The following MGAT4C variants were observed in gnomAD, a reference collection of about 807,000 sequenced individuals.
The protein encoded by MGAT4C is alpha-1,3-mannosyl-glycoprotein 4-beta-N-acetylglucosaminyltransferase C.
A neutral mutation model predicts 40.1 loss-of-function variants in MGAT4C; 19 were observed. The ratio of observed to expected loss-of-function variants is 0.47; its 90% CI spans 0.33 to 0.70. The LOEUF is 0.70. Ranked by LOEUF, MGAT4C falls within the 30% of genes least tolerant of loss-of-function variation. The pLI, the probability that MGAT4C is intolerant of heterozygous loss-of-function variation, is 0.02. For missense variants in MGAT4C, 491 were observed against 563.2 expected (o/e 0.87, Z 1.30); for synonymous variants, 181 against 187.1 (o/e 0.97, Z 0.27).
In MGAT4C at chr12:85,966,942, G is replaced by A. The variant is rs1286415249; in HGVS notation, c.*12347C>T. 2 of 151,870 alleles carry A rather than the reference G, an allele frequency of 1.3e-5. No homozygotes were observed. The highest frequency in any genetic ancestry group is 4.8e-5 in the African/African-American group (2 of 41,340). 9.4% of individuals were successfully genotyped at this position (151,870 alleles called of 1,614,324 possible). A position where few individuals can be genotyped will look rare whatever the true frequency, so the allele number is the denominator to read the frequency against. ...GATAGCATTAGGAGATATACCTAATGTTAAATGACGAGTTAATGGGTGCAG... is the reference window on the plus strand; with the variant it reads ...GATAGCATTAGGAGATATACCTAATATTAAATGACGAGTTAATGGGTGCAG... On this transcript the variant is annotated 3_prime_UTR_variant, in exon 5 of 5. Coordinates refer to ENST00000611864, the MANE Select transcript of MGAT4C (RefSeq NM_001351288.2).
chr12:86,759,409 T>A (rs1027877429), intron 1 of MGAT4C, among the ~76,000 whole-genome samples: 1 of 152,120 alleles, frequency 6.6e-6, no homozygotes, highest in Non-Finnish European at 1.5e-5. Flanking sequence ...TCAAATTGTA[T>A]GATTGCTGGA....
At position 86,110,087 on chromosome 12, in the gene MGAT4C, C is replaced by T. The variant is rs146228487; in HGVS notation, c.-56-60364G>A. Among the ~76,000 whole-genome samples the T allele has an allele frequency of 1.5e-4, 22 of 150,316 alleles. 1 individual carries two copies. In the East Asian group the frequency reaches 3.8e-3, roughly 26 times the overall value. ...GAGGGTCAGAAGAATGCCAAAATGA[C>T]TGTATAATAGACAGTCAGGGAGGAC... is the stretch of plus-strand genomic sequence containing the variant. On this transcript the variant is annotated intron_variant, in intron 1 of 4. Transcript: ENST00000611864.
At chr12:86,589,996 A>G (rs1365573890) in intron 2 of MGAT4C, among the ~76,000 whole-genome samples, 3 of 152,002 alleles carry the variant, frequency 2.0e-5, no homozygotes, top group Non-Finnish European at 4.4e-5. Flanking sequence ...GAGAACTTCT[A>G]GAAGCATAAA....
intron 1 of MGAT4C, among the ~76,000 whole-genome samples, chr12:86,767,163 TA>T (rs1436872817): frequency 2.0e-5 from 3 of 151,928 alleles, no homozygotes; most frequent in Non-Finnish European, 2.9e-5. Flanking sequence ...ATAGACACAA[TA>T]AAAAATGATA....
chr12:86,061,527 G>GT (rs1455754575), intron 1 of MGAT4C, among the ~76,000 whole-genome samples: 6 of 149,922 alleles, frequency 4.0e-5, no homozygotes, highest in Non-Finnish European at 7.4e-5. Flanking sequence ...AGAAAGAATT[G>GT]TTCACTCCCT....
chr12:86,321,727 G>T (rs750162023), intron 4 of MGAT4C, among the ~76,000 whole-genome samples: 1 of 152,132 alleles, frequency 6.6e-6, no homozygotes, highest in African/African-American at 2.4e-5. Context: ...GAAACAACAG[G>T]TGCTGGAGAA....
chr12:86,308,795 T>C (rs562391460), intron 4 of MGAT4C, among the ~76,000 whole-genome samples: 1 of 150,498 alleles, frequency 6.6e-6, no homozygotes, highest in Non-Finnish European at 1.5e-5. Context: ...GTGTTAAGTA[T>C]TTTATATACA....
chr12:85,982,565 T>C (rs753018229), intron 4 of MGAT4C, among the ~76,000 whole-genome samples: 12 of 152,236 alleles, frequency 7.9e-5, no homozygotes, highest in Non-Finnish European at 1.3e-4. Context: ...TAATTAAAAT[T>C]GGTAATGCTT....
intron 2 of MGAT4C, among the ~76,000 whole-genome samples, chr12:86,037,491 C>T (rs1231211340): frequency 6.7e-6 from 1 of 150,118 alleles, no homozygotes; most frequent in Non-Finnish European, 1.5e-5. Context: ...TATGTTGTGT[C>T]TTTGTTCTCA....
At chr12:86,472,602 A>AT (rs1290601627) in intron 2 of MGAT4C, among the ~76,000 whole-genome samples, 1 of 151,934 alleles carries the variant, frequency 6.6e-6, no homozygotes, top group Non-Finnish European at 1.5e-5. Flanking sequence ...ACTATTATAG[A>AT]TTTTTTTTCT....
chr12:86,407,515 T>C (rs1326521052), intron 3 of MGAT4C, among the ~76,000 whole-genome samples: 1 of 151,978 alleles, frequency 6.6e-6, no homozygotes, highest in East Asian at 1.9e-4. Context: ...AAAAAGAAAG[T>C]TTGGGTGAAG....
chr12:86,415,416 AATT>A (rs1357212541), intron 3 of MGAT4C, among the ~76,000 whole-genome samples: 1 of 152,002 alleles, frequency 6.6e-6, no homozygotes, highest in African/African-American at 2.4e-5. Flanking sequence ...AGGGGATAAT[AATT>A]GAGAGAAGAG....
chr12:86,421,919 G>T (rs1249221740), intron 3 of MGAT4C, among the ~76,000 whole-genome samples: 4 of 152,174 alleles, frequency 2.6e-5, no homozygotes, highest in African/African-American at 9.7e-5. Flanking sequence ...AGCAGAAATT[G>T]TAAGTCTTAA....
At chr12:86,041,826 T>C (rs1891880786) in intron 2 of MGAT4C, among the ~76,000 whole-genome samples, 1 of 152,200 alleles carries the variant, frequency 6.6e-6, no homozygotes. Context: ...TGTAGGTGTC[T>C]ATTAGGTCCA....
At chr12:85,982,922 T>A (rs1884776648) in intron 4 of MGAT4C, among the ~76,000 whole-genome samples, 2 of 152,268 alleles carry the variant, frequency 1.3e-5, no homozygotes, top group South Asian at 4.1e-4. Context: ...ATTGGAGTGA[T>A]GCCCCAAAGT....
In MGAT4C at chr12:85,979,144, T is replaced by C. The variant is rs1421346907; in HGVS notation, c.*145A>G. On this transcript the variant is annotated 3_prime_UTR_variant, in exon 5 of 5. Coordinates refer to ENST00000611864, the MANE Select transcript of MGAT4C (RefSeq NM_001351288.2). ...AGTGTGTATTAAGAGTAAAATTATG[T>C]CAACAATGTATAAATGAAAACTGCC... 5 of 615,726 alleles carry C rather than the reference T, an allele frequency of 8.1e-6. No homozygotes were observed. In the Admixed American group the frequency reaches 1.0e-4, roughly 13 times the overall value. 38.1% of individuals were successfully genotyped at this position (615,726 alleles called of 1,614,324 possible). A position where few individuals can be genotyped will look rare whatever the true frequency, so the allele number is the denominator to read the frequency against.
At chr12:86,188,167 AATG>A (rs1392640873) in intron 1 of MGAT4C, among the ~76,000 whole-genome samples, 2 of 152,100 alleles carry the variant, frequency 1.3e-5, no homozygotes, top group Non-Finnish European at 1.5e-5. Context: ...AACTAGCCAG[AATG>A]ATGATGAGAA....
chr12:86,720,086 G>A (rs1461072427), intron 2 of MGAT4C, among the ~76,000 whole-genome samples: 1 of 152,234 alleles, frequency 6.6e-6, no homozygotes, highest in South Asian at 2.1e-4. Context: ...CTTGGACTGA[G>A]AAATATTGTG....
In MGAT4C at chr12:85,979,892, C is replaced by A. The variant is rs2136682071; in HGVS notation, c.834G>T (p.Met278Ile). The change falls in exon 5 of 5, where the codon ATG (methionine) becomes ATT (isoleucine). Residue 278 changes from methionine (M) to isoleucine (I), a missense_variant. By Grantham distance (10) the Met-to-Ile change is conservative. Coordinates refer to ENST00000611864, the MANE Select transcript of MGAT4C (RefSeq NM_001351288.2). The stretch of plus-strand genomic sequence containing the variant: ...AATCACAAGGCATTTCTTGATAAAA[C>A]ATTAATAAAAAATGGGCCAAACGTG... Reference protein sequence around the residue: ...DLPRLAHFLLMFYQEMPCDWL... With the variant: ...DLPRLAHFLLIFYQEMPCDWL... The A allele has an allele frequency of 6.2e-7, 1 of 1,613,710 alleles. No individual in the cohort carries two copies. Among genetic ancestry groups the A allele is most frequent in the African/African-American group, 1.3e-5 (1 of 74,984 alleles).
Sources: allele counts gnomAD v4.1 joint callset (sites outside exome capture counted in the v4.1 genomes callset), GRCh38; gene constraint gnomAD v4.1.1; transcripts MANE v1.5; gene names NCBI Gene and HGNC (gene_info 2026-07-23, HGNC 2026-07-21).